FOXP1: variants seen among roughly 807,000 people sequenced by gnomAD.
FOXP1 encodes the protein forkhead box P1, also known as forkhead box protein P1.
A neutral mutation model predicts 98.2 loss-of-function variants in FOXP1; 15 were observed. The ratio of observed to expected loss-of-function variants is 0.15; its 90% CI spans 0.10 to 0.24. FOXP1 has a LOEUF of 0.24. FOXP1 is among the 10% of genes least tolerant of loss of function. The probability of loss-of-function intolerance (pLI) is 1.00; values close to 1 mark genes in which losing one functional copy is unlikely to be tolerated. For missense variants in FOXP1, 633 were observed against 848.5 expected, an observed-to-expected ratio of 0.75 and a Z score of 3.15; for synonymous variants, 371 against 314.5, an observed-to-expected ratio of 1.18 and a Z score of -1.90.
chr3:71,204,189 T>C (rs2063859134), intron 5 of FOXP1, among the ~76,000 whole-genome samples: 1 of 152,174 alleles, frequency 6.6e-6, no homozygotes, highest in Admixed American at 6.5e-5. Flanking sequence ...CCTTCAATAA[T>C]CGTGTTCATG....
chr3:71,549,393 G>C (rs1011949779), intron 2 of FOXP1, among the ~76,000 whole-genome samples: 1 of 152,012 alleles, frequency 6.6e-6, no homozygotes, highest in African/African-American at 2.4e-5. Flanking sequence ...AAAATTTTTT[G>C]AGATGGAGTC....
intron 2 of FOXP1, among the ~76,000 whole-genome samples, chr3:71,548,292 T>C (rs1475381179): frequency 1.3e-5 from 2 of 152,092 alleles, no homozygotes; most frequent in African/African-American, 4.8e-5. Flanking sequence ...CATACACAAA[T>C]ACACACACAC....
chr3:71,190,206 C>T (rs1313505609), intron 6 of FOXP1, among the ~76,000 whole-genome samples: 14 of 152,178 alleles, frequency 9.2e-5, no homozygotes, highest in Admixed American at 3.9e-4. Flanking sequence ...AGTTATTCTT[C>T]GGGATCTAGC....
At chr3:71,040,378 TTTACC>T (rs1411078782) in intron 11 of FOXP1, 1 of 152,226 alleles carries the variant, frequency 6.6e-6, no homozygotes, top group African/African-American at 2.4e-5. Context: ...TTACGGTTTC[TTTACC>T]TCTGTGTGTG....
intron 3 of FOXP1, among the ~76,000 whole-genome samples, chr3:71,424,344 G>A (rs540195703): frequency 6.6e-6 from 1 of 152,292 alleles, no homozygotes; most frequent in African/African-American, 2.4e-5. Flanking sequence ...CTCTGGCGAT[G>A]TTGCAAGCAC....
intron 3 of FOXP1, among the ~76,000 whole-genome samples, chr3:71,407,791 T>C (rs1294072580): frequency 1.3e-5 from 2 of 152,138 alleles, no homozygotes; most frequent in Non-Finnish European, 2.9e-5. Context: ...CATTTCAGCA[T>C]TTCCCATTAG....
intron 3 of FOXP1, among the ~76,000 whole-genome samples, chr3:71,393,641 A>G (rs1023778960): frequency 2.0e-5 from 3 of 152,256 alleles, no homozygotes; most frequent in Non-Finnish European, 1.5e-5. Flanking sequence ...ATGTTCTAAT[A>G]AAACTTGAAA....
rs745686792 is a variant in FOXP1 at position 71,099,518 on chromosome 3, GCAAAA to G, written c.282+13013_282+13017del. 7.2e-5 allele frequency among the ~76,000 whole-genome samples: 11 copies of G among 151,980 alleles called. No homozygotes were observed. The South Asian group carries it at 1.0e-3, about 14-fold the overall frequency. Reference sequence around the variant, plus strand: ...CAGATCGAGACTCCATCTCAACAAAGCAAAACAAAACAAAACAAAACAAAACAAAA... The same window carrying G: ...CAGATCGAGACTCCATCTCAACAAAGCAAAACAAAACAAAACAAAACAAAA... On this transcript the variant is annotated intron_variant, in intron 7 of 20. Coordinates refer to ENST00000649528, the MANE Select transcript of FOXP1 (RefSeq NM_001349338.3).
rs548624300 is a variant in FOXP1, at chr3:71,082,187, G to A, written c.283-28414C>T. 4.0e-5 allele frequency among the ~76,000 whole-genome samples: 6 copies of A among 151,590 alleles called. No individual in the cohort carries two copies. The South Asian group carries it at 1.2e-3, about 31-fold the overall frequency. On this transcript the variant is annotated intron_variant, in intron 7 of 20. Coordinates refer to ENST00000649528, the MANE Select transcript of FOXP1 (RefSeq NM_001349338.3). ...CCAGCTACTCAGGAGGCTGAGGCAA[G>A]AGAATTGCTTGAACTTGGGAGGCAG...
chr3:71,340,697 A>G (rs2076960436), intron 4 of FOXP1, among the ~76,000 whole-genome samples: 2 of 152,290 alleles, frequency 1.3e-5, no homozygotes, highest in Admixed American at 6.5e-5. Flanking sequence ...TTTGGCCTCA[A>G]TTGGACCCTA....
intron 3 of FOXP1, among the ~76,000 whole-genome samples, chr3:71,371,291 A>G (rs2079295896): frequency 6.6e-6 from 1 of 152,142 alleles, no homozygotes; most frequent in Admixed American, 6.5e-5. Flanking sequence ...TCATTTCACC[A>G]GGGCCAGCTG....
At chr3:71,068,761 A>C (rs980524624) in intron 7 of FOXP1, among the ~76,000 whole-genome samples, 1 of 152,240 alleles carries the variant, frequency 6.6e-6, no homozygotes, top group African/African-American at 2.4e-5. Context: ...CGGAGAGAGA[A>C]AGCTAAAGCA....
chr3:71,330,735 C>T (rs1203092210), intron 4 of FOXP1, among the ~76,000 whole-genome samples: 1 of 152,186 alleles, frequency 6.6e-6, no homozygotes, highest in Non-Finnish European at 1.5e-5. Flanking sequence ...TATGTGGCAA[C>T]ATTTAGTGAC....
chr3:71,144,100 G>T (rs2060195862), intron 6 of FOXP1, among the ~76,000 whole-genome samples: 1 of 152,140 alleles, frequency 6.6e-6, no homozygotes, highest in Admixed American at 6.5e-5. Flanking sequence ...TTAAGAAGTA[G>T]TTTGGGCAAA....
chr3:71,189,649 C>T (rs1028310130), intron 6 of FOXP1, among the ~76,000 whole-genome samples: 1 of 152,194 alleles, frequency 6.6e-6, no homozygotes, highest in South Asian at 2.1e-4. Context: ...CATCCTGACT[C>T]ATCATTGGTA....
chr3:70,957,182 C>G lies in FOXP1; in HGVS notation c.*2065G>C. Reference sequence around the variant, plus strand: ...TTTTTTTTGAGATGGGACTCCCTTCCTTCTGTAGCTCCTTTAATATTGTGT... The same window carrying G: ...TTTTTTTTGAGATGGGACTCCCTTCGTTCTGTAGCTCCTTTAATATTGTGT... On this transcript the variant is annotated 3_prime_UTR_variant, in exon 21 of 21. Coordinates refer to ENST00000649528, the MANE Select transcript of FOXP1 (RefSeq NM_001349338.3). 1 of 223,868 alleles carries G rather than the reference C, an allele frequency of 4.5e-6. No homozygotes were observed. The highest frequency in any genetic ancestry group is 8.9e-6 in the Non-Finnish European group (1 of 112,052). 13.9% of individuals were successfully genotyped at this position (223,868 alleles called of 1,614,324 possible).
At chr3:70,986,695 T>G (rs1380473594) in intron 14 of FOXP1, among the ~76,000 whole-genome samples, 1 of 152,176 alleles carries the variant, frequency 6.6e-6, no homozygotes, top group Non-Finnish European at 1.5e-5. Context: ...ACCTGGTTCT[T>G]TTTTTTCCTT....
intron 2 of FOXP1, chr3:71,574,167 T>G (rs1307137860): frequency 6.6e-6 from 1 of 152,148 alleles, no homozygotes; most frequent in African/African-American, 2.4e-5. Flanking sequence ...TAGACGAATA[T>G]CCCCAATGCT....
intron 2 of FOXP1, among the ~76,000 whole-genome samples, chr3:71,497,862 G>A (rs778452134): frequency 6.6e-6 from 1 of 152,108 alleles, no homozygotes; most frequent in Non-Finnish European, 1.5e-5. Context: ...TGCTAATCAA[G>A]AGCTGCAATA....
Sources: gnomAD v4.1 joint callset for allele counts (sites outside exome capture counted in the v4.1 genomes callset) on GRCh38, gnomAD v4.1.1 for gene constraint, MANE v1.5 for transcripts, NCBI Gene and HGNC (gene_info 2026-07-23, HGNC 2026-07-21) for gene names.